CES5A: variants seen among roughly 807,000 people sequenced by gnomAD.
CES5A encodes the protein carboxylesterase 5.
Under a neutral mutation model 62.9 loss-of-function variants are expected in CES5A, and 67 were observed. The ratio of observed to expected loss-of-function variants is 1.07; its 90% CI spans 0.88 to 1.31. The LOEUF is 1.31. Among genes scored for constraint, CES5A ranks in the 50% most tolerant of loss-of-function variants. The pLI, the probability that CES5A is intolerant of heterozygous loss-of-function variation, is 0.00. For missense variants in CES5A, 748 were observed against 708.5 expected (o/e 1.06, Z -0.63); for synonymous variants, 296 against 280.8 (o/e 1.05, Z -0.54).
intron 2 of CES5A, among the ~76,000 whole-genome samples, chr16:55,872,924 T>C (rs942351911): frequency 1.3e-5 from 2 of 152,192 alleles, no homozygotes; most frequent in African/African-American, 4.8e-5. Context: ...CCAAGCTTAA[T>C]GGAGAGCCAG....
At chr16:55,928,446 C>T (rs1001152811), upstream of CES5A, among the ~76,000 whole-genome samples, 1 of 151,830 alleles carries the variant, frequency 6.6e-6, no homozygotes, top group African/African-American at 2.4e-5. Flanking sequence ...GGATAAGGGA[C>T]AAAAAAATCC....
chr16:55,910,816 G>A (rs1401232589), intron 1 of CES5A, among the ~76,000 whole-genome samples: 12 of 148,618 alleles, frequency 8.1e-5, no homozygotes, highest in Admixed American at 7.8e-4. Context: ...TGGCCCAGCT[G>A]CCCATGGCCA....
At chr16:55,937,077 A>G (rs567046710) in intron 2 of CES5A, among the ~76,000 whole-genome samples, 1 of 152,310 alleles carries the variant, frequency 6.6e-6, no homozygotes, top group East Asian at 1.9e-4. Flanking sequence ...AAGAAAAGAA[A>G]GCAGAGAGGG....
chr16:55,874,170 C>T (rs1363766739), intron 1 of CES5A, 133 bp from the exon 2 acceptor site: 2 of 760,262 alleles, frequency 2.6e-6, no homozygotes, highest in African/African-American at 1.7e-5. Flanking sequence ...ATCCAGGTTC[C>T]CTCTCCATGA....
At chr16:55,926,433 A>C (rs2142464529), upstream of CES5A, among the ~76,000 whole-genome samples, 1 of 152,358 alleles carries the variant, frequency 6.6e-6, no homozygotes, top group Middle Eastern at 3.4e-3. Context: ...CATTAATGTC[A>C]GCCATTTAGT....
intron 1 of CES5A, among the ~76,000 whole-genome samples, chr16:55,952,523 AAGACCG>A (rs1173206679): frequency 2.0e-5 from 3 of 152,146 alleles, no homozygotes; most frequent in African/African-American, 4.8e-5. Flanking sequence ...AGCCTGTGGC[AAGACCG>A]AGTGTGAGAA....
At chr16:55,893,760 T>A (rs1012221104) in intron 1 of CES5A, among the ~76,000 whole-genome samples, 2 of 152,054 alleles carry the variant, frequency 1.3e-5, no homozygotes, top group Admixed American at 6.6e-5. Context: ...CTAACATATG[T>A]GTAATTGAAA....
At chr16:55,883,643 T>C (rs565000308) in intron 1 of CES5A, among the ~76,000 whole-genome samples, 6 of 152,316 alleles carry the variant, frequency 3.9e-5, no homozygotes, top group East Asian at 3.9e-4. Context: ...GGATACAATA[T>C]TGTTTTTTCT....
At chr16:55,908,652 G>A (rs1335376652) in intron 1 of CES5A, among the ~76,000 whole-genome samples, 1 of 152,146 alleles carries the variant, frequency 6.6e-6, no homozygotes, top group Non-Finnish European at 1.5e-5. Flanking sequence ...GAACCACCAC[G>A]CCTGGCCCCC....
At chr16:55,862,924 C>G (rs868786694) in intron 6 of CES5A, among the ~76,000 whole-genome samples, 1 of 152,152 alleles carries the variant, frequency 6.6e-6, no homozygotes, top group African/African-American at 2.4e-5. Flanking sequence ...CCCTTATAAT[C>G]CCATGCCAGA....
chr16:55,944,190 G>A (rs2034471427), intron 2 of CES5A: 4 of 691,922 alleles, frequency 5.8e-6, no homozygotes, highest in Admixed American at 2.0e-5. Flanking sequence ...CCCAGTCCTG[G>A]TTCCATCAAT....
intron 2 of CES5A, among the ~76,000 whole-genome samples, chr16:55,942,516 G>A (rs1328532343): frequency 6.6e-6 from 1 of 152,200 alleles, no homozygotes; most frequent in Non-Finnish European, 1.5e-5. Flanking sequence ...ATGCTCACCA[G>A]AATGGCTATT....
intron 8 of CES5A, among the ~76,000 whole-genome samples, chr16:55,856,698 G>T (rs553101048): frequency 6.6e-6 from 1 of 152,226 alleles, no homozygotes; most frequent in Non-Finnish European, 1.5e-5. Context: ...TTGTGGGAAG[G>T]CTCCCATTAT....
At position 55,906,824 on chromosome 16, in the gene CES5A, C is replaced by T. The variant is rs1004847267; in HGVS notation, c.-256+18499G>A. On this transcript the variant is annotated intron_variant, in intron 1 of 12. Coordinates refer to the CES5A transcript ENST00000518005. Reference sequence around the variant, plus strand: ...GGAGGACCACCTTGGCTAAAAGCTGCGAGTCCTGAGCCAGCATGGTGTGCT... The same window carrying T: ...GGAGGACCACCTTGGCTAAAAGCTGTGAGTCCTGAGCCAGCATGGTGTGCT... 6.6e-5 allele frequency among the ~76,000 whole-genome samples: 10 copies of T among 152,138 alleles called. No individual in the cohort carries two copies. The East Asian group carries it at 7.7e-4, about 12-fold the overall frequency.
At chr16:55,950,268 A>C (rs1331104967) in intron 1 of CES5A, among the ~76,000 whole-genome samples, 1 of 152,236 alleles carries the variant, frequency 6.6e-6, no homozygotes, top group Non-Finnish European at 1.5e-5. Flanking sequence ...AAAGTCCTAA[A>C]TTTAACCATC....
At chr16:55,953,904 C>A (rs765109377) in intron 1 of CES5A, among the ~76,000 whole-genome samples, 6 of 152,132 alleles carry the variant, frequency 3.9e-5, no homozygotes, top group Non-Finnish European at 7.4e-5. Context: ...TCCAATTCCA[C>A]TATTTTAGTT....
chr16:55,952,558 C>T (rs1385383851), intron 1 of CES5A, among the ~76,000 whole-genome samples: 1 of 151,770 alleles, frequency 6.6e-6, no homozygotes, highest in African/African-American at 2.4e-5. Flanking sequence ...GTAATGGTCA[C>T]AAAAATAACA....
chr16:55,863,989 ACTCACCTCAGC>A (rs1483820105), intron 5 of CES5A, among the ~76,000 whole-genome samples: 1 of 151,608 alleles, frequency 6.6e-6, no homozygotes, highest in Non-Finnish European at 1.5e-5. Context: ...TCTCCTGACC[ACTCACCTCAGC>A]CTCCCAAAGT....
At chr16:55,855,640 C>A (rs1457298765) in intron 9 of CES5A, among the ~76,000 whole-genome samples, 3 of 152,146 alleles carry the variant, frequency 2.0e-5, no homozygotes, top group Non-Finnish European at 4.4e-5. Context: ...TTAATGCATC[C>A]ACAGAGAAAC....
Sources: gnomAD v4.1 joint callset for allele counts (sites outside exome capture counted in the v4.1 genomes callset) on GRCh38, gnomAD v4.1.1 for gene constraint, MANE v1.5 for transcripts, NCBI Gene and HGNC (gene_info 2026-07-23, HGNC 2026-07-21) for gene names.